The following SPOCK1 variants were observed in gnomAD, a reference collection of about 807,000 sequenced individuals.
SPOCK1 encodes the protein SPARC (osteonectin), cwcv and kazal like domains proteoglycan 1, also known as testican-1.
SPOCK1 carries 23 observed loss-of-function variants against 55.3 expected under a neutral mutation model. That is an observed-to-expected ratio of 0.42 (90% CI 0.30 to 0.59). The LOEUF is 0.59. Ranked by LOEUF, SPOCK1 falls within the 20% of genes least tolerant of loss-of-function variation. SPOCK1 has a pLI of 0.22. For synonymous variants in SPOCK1, 226 were observed against 221.0 expected, an observed-to-expected ratio of 1.02 and a Z score of -0.20; for missense variants, 499 against 552.5, an observed-to-expected ratio of 0.90 and a Z score of 0.97.
intron 2 of SPOCK1, among the ~76,000 whole-genome samples, chr5:137,397,618 C>T (rs931853657): frequency 6.6e-6 from 1 of 152,152 alleles, no homozygotes; most frequent in Admixed American, 6.5e-5. Flanking sequence ...CCTGTCTGTC[C>T]TCTGCTAAAG....
chr5:137,112,224 C>T (rs1753488938), intron 5 of SPOCK1, among the ~76,000 whole-genome samples: 1 of 152,196 alleles, frequency 6.6e-6, no homozygotes, highest in Non-Finnish European at 1.5e-5. Context: ...TCTTCTTCCC[C>T]TCCAACCAGC....
chr5:137,211,140 A>G (rs1755606763), intron 3 of SPOCK1, among the ~76,000 whole-genome samples: 1 of 152,204 alleles, frequency 6.6e-6, no homozygotes. Flanking sequence ...TTCTTTGAAG[A>G]TGAAGAAACA....
At chr5:137,154,247 G>A (rs2348193) in intron 3 of SPOCK1, among the ~76,000 whole-genome samples, 151,667 of 152,296 alleles carry the variant, frequency 1, 75,523 homozygotes, top group Middle Eastern at 1. Flanking sequence ...AGATGGCGCC[G>A]TTGCACTCCA....
At chr5:137,366,996 CAG>C (rs1416206550) in intron 2 of SPOCK1, among the ~76,000 whole-genome samples, 1 of 152,194 alleles carries the variant, frequency 6.6e-6, no homozygotes, top group African/African-American at 2.4e-5. Context: ...GATGAGGAGA[CAG>C]AGTGCACTGT....
chr5:137,334,331 T>C (rs531949173), intron 2 of SPOCK1, among the ~76,000 whole-genome samples: 2 of 152,338 alleles, frequency 1.3e-5, no homozygotes, highest in East Asian at 3.9e-4. Context: ...CAAAAGGAAC[T>C]ATATCATTTC....
intron 3 of SPOCK1, among the ~76,000 whole-genome samples, chr5:137,170,438 G>A (rs1351953992): frequency 6.6e-6 from 1 of 152,174 alleles, no homozygotes; most frequent in African/African-American, 2.4e-5. Flanking sequence ...CTCCCAAAAT[G>A]TGTATGTTGA....
At chr5:137,254,293 A>G (rs1436299314) in intron 3 of SPOCK1, among the ~76,000 whole-genome samples, 2 of 152,208 alleles carry the variant, frequency 1.3e-5, no homozygotes, top group Non-Finnish European at 2.9e-5. Context: ...GGTATTTTTT[A>G]TGGCTGTTTC....
intron 2 of SPOCK1, among the ~76,000 whole-genome samples, chr5:137,369,100 C>T (rs1751141688): frequency 1.3e-5 from 2 of 152,198 alleles, no homozygotes; most frequent in African/African-American, 4.8e-5. Flanking sequence ...GACAAGTAGG[C>T]TGAGTTGGAC....
intron 2 of SPOCK1, among the ~76,000 whole-genome samples, chr5:137,409,347 G>A (rs1229942532): frequency 2.0e-5 from 3 of 152,166 alleles, no homozygotes; most frequent in African/African-American, 4.8e-5. Context: ...TTGGGGAATC[G>A]CAGATCCATA....
In SPOCK1 at chr5:137,129,320, C is replaced by G. The variant is rs183094716; in HGVS notation, c.347+11260G>C. ...TCCTCTCCTCTCTGCCTTGCTGGTA[C>G]CTACACCTTTGTAATTGCCTGATAG... is the stretch of plus-strand genomic sequence containing the variant. On this transcript the variant is annotated intron_variant, in intron 4 of 10. Transcript: ENST00000394945. 1.3e-3 allele frequency among the ~76,000 whole-genome samples: 193 copies of G among 152,316 alleles called. 1 individual carries two copies. Among genetic ancestry groups the G allele is most frequent in the African/African-American group, 4.1e-3 (171 of 41,558 alleles).
At chr5:137,098,165 A>C (rs1477593290) in intron 5 of SPOCK1, among the ~76,000 whole-genome samples, 1 of 151,602 alleles carries the variant, frequency 6.6e-6, no homozygotes, top group Non-Finnish European at 1.5e-5. Context: ...CTTCCAGACA[A>C]GTGTTATTAT....
At chr5:137,059,008 C>G (rs1752347331) in intron 6 of SPOCK1, among the ~76,000 whole-genome samples, 1 of 151,882 alleles carries the variant, frequency 6.6e-6, no homozygotes, top group Non-Finnish European at 1.5e-5. Flanking sequence ...GATGGAGTGT[C>G]TTGAACAGGG....
chr5:136,989,771 C>T (rs1363420863), intron 7 of SPOCK1, among the ~76,000 whole-genome samples: 3 of 152,062 alleles, frequency 2.0e-5, no homozygotes, highest in Non-Finnish European at 4.4e-5. Context: ...TAGAGTGTCA[C>T]GTTTAGGGAT....
At chr5:137,350,945 C>T (rs559223464) in intron 2 of SPOCK1, among the ~76,000 whole-genome samples, 2 of 152,244 alleles carry the variant, frequency 1.3e-5, no homozygotes, top group South Asian at 4.2e-4. Context: ...ACATGCTTCC[C>T]ATGTGTTTCA....
intron 3 of SPOCK1, among the ~76,000 whole-genome samples, chr5:137,259,281 C>T (rs1256731661): frequency 2.0e-5 from 3 of 152,160 alleles, no homozygotes; most frequent in African/African-American, 7.2e-5. Context: ...AAATGTGGCA[C>T]ATATACACCA....
intron 2 of SPOCK1, among the ~76,000 whole-genome samples, chr5:137,303,080 G>A (rs1441962219): frequency 6.6e-6 from 1 of 152,136 alleles, no homozygotes; most frequent in Non-Finnish European, 1.5e-5. Context: ...AAACTGAATT[G>A]GAAGAATCAC....
chr5:137,134,199 C>G (rs553298242), intron 4 of SPOCK1, among the ~76,000 whole-genome samples: 1 of 152,294 alleles, frequency 6.6e-6, no homozygotes, highest in East Asian at 1.9e-4. Context: ...TAATACTGAC[C>G]TAGCAGACTG....
chr5:137,429,528 C>T (rs533801955), intron 2 of SPOCK1, among the ~76,000 whole-genome samples: 6 of 152,326 alleles, frequency 3.9e-5, no homozygotes, highest in African/African-American at 7.2e-5. Flanking sequence ...CTCAGTACAA[C>T]GGCCTCAGAG....
At chr5:137,190,120 T>C (rs1343488071) in intron 3 of SPOCK1, among the ~76,000 whole-genome samples, 1 of 152,098 alleles carries the variant, frequency 6.6e-6, no homozygotes, top group African/African-American at 2.4e-5. Flanking sequence ...GCTGTGAGCA[T>C]TGTTGAAATG....
Sources: allele counts gnomAD v4.1 joint callset (sites outside exome capture counted in the v4.1 genomes callset), GRCh38; gene constraint gnomAD v4.1.1; transcripts MANE v1.5; gene names NCBI Gene and HGNC (gene_info 2026-07-23, HGNC 2026-07-21).